Variants in DDX31 observed in about 807,000 individuals in gnomAD.
DDX31 encodes DEAD-box helicase 31, also known as ATP-dependent DNA helicase DDX31.
Under a neutral mutation model 91.3 loss-of-function variants are expected in DDX31, and 70 were observed. The ratio of observed to expected loss-of-function variants is 0.77; its 90% CI spans 0.63 to 0.94. The LOEUF is 0.94. DDX31 is among the 40% of genes least tolerant of loss of function. The pLI is 0.00. For synonymous variants in DDX31, 362 were observed against 350.6 expected (o/e 1.03, Z -0.36); for missense variants, 902 against 925.0 (o/e 0.98, Z 0.32).
intron 14 of DDX31, among the ~76,000 whole-genome samples, chr9:132,635,393 T>C (rs530449298): frequency 6.6e-6 from 1 of 151,972 alleles, no homozygotes; most frequent in Non-Finnish European, 1.5e-5. Context: ...TGGGATACTT[T>C]TGTAAAAACA....
At position 132,595,863 on chromosome 9, in the gene DDX31, C is replaced by T. The variant is rs548205197; in HGVS notation, c.1995-751G>A. The stretch of plus-strand genomic sequence containing the variant: ...AATTTCCGATGTCGAATCCTGATAA[C>T]TGTTCTGAAAAGATGGCAATTTTAC... On this transcript the variant is annotated intron_variant, in intron 19 of 19. Coordinates refer to ENST00000372159, the MANE Select transcript of DDX31 (RefSeq NM_022779.9). The surrounding 1 kb of genome is among the most constrained non-coding windows in gnomAD (Gnocchi z 4.6). 1.3e-5 allele frequency among the ~76,000 whole-genome samples: 2 copies of T among 152,278 alleles called. No homozygotes were observed. The highest frequency in any genetic ancestry group is 4.8e-5 in the African/African-American group (2 of 41,552).
intron 1 of DDX31, chr9:132,663,639 A>C: frequency 1.8e-6 from 1 of 541,160 alleles, no homozygotes; most frequent in Non-Finnish European, 2.4e-6. Flanking sequence ...CTCTCAGAAT[A>C]TGTTATTTTC....
At chr9:132,622,672 T>C (rs188861568) in intron 17 of DDX31, among the ~76,000 whole-genome samples, 2 of 152,354 alleles carry the variant, frequency 1.3e-5, no homozygotes, top group Admixed American at 1.3e-4. Flanking sequence ...GTAATTGTAC[T>C]ACTTGCCTTT....
chr9:132,651,159 CTTT>C (rs200786970), intron 7 of DDX31, 43 bp from the exon 8 acceptor site: 29 of 1,252,822 alleles, frequency 2.3e-5, no homozygotes, highest in East Asian at 5.2e-5. Context: ...CAGGATCCCC[CTTT>C]TTTTTTTTTT....
intron 16 of DDX31, among the ~76,000 whole-genome samples, chr9:132,627,420 C>T (rs904174953): frequency 6.6e-6 from 1 of 152,116 alleles, no homozygotes; most frequent in Non-Finnish European, 1.5e-5. Context: ...TTCTGAGGAA[C>T]AAAGCAAATC....
At chr9:132,642,706 A>G (rs1237312724) in intron 13 of DDX31, among the ~76,000 whole-genome samples, 1 of 152,096 alleles carries the variant, frequency 6.6e-6, no homozygotes. Context: ...ACAGAATATG[A>G]ACATCTCTTC....
At chr9:132,660,228 A>G (rs560878098) in intron 4 of DDX31, among the ~76,000 whole-genome samples, 47 of 151,828 alleles carry the variant, frequency 3.1e-4, no homozygotes, top group African/African-American at 1.0e-3. Context: ...CCAGCTACTC[A>G]GGAGGTTGAG....
At chr9:132,645,744 C>A in intron 13 of DDX31, 151 bp downstream of exon 13, 1 of 781,970 alleles carries the variant, frequency 1.3e-6, no homozygotes. Context: ...AGTGGGTCAC[C>A]CATTTTCGTC....
At chr9:132,662,979 A>C (rs994077124) in intron 1 of DDX31, among the ~76,000 whole-genome samples, 1 of 152,236 alleles carries the variant, frequency 6.6e-6, no homozygotes, top group African/African-American at 2.4e-5. Context: ...AGGATGAAGA[A>C]GCAGCATTTT....
rs979182896 is a variant in DDX31, at chr9:132,638,426, T to C, written c.1440+3578A>G. The C allele has an allele frequency of 1.9e-6, 3 of 1,611,136 alleles. No homozygotes were observed. The African/African-American group carries it at 4.0e-5, about 22-fold the overall frequency. On this transcript the variant is annotated intron_variant, in intron 14 of 19. Transcript: ENST00000372159. ...AGTGTCTGATATCTGATCCCTTTGA[T>C]TGCTTAATTCCACTTGGGAAAGTGG...
chr9:132,602,238 C>G (rs1242442442), intron 19 of DDX31, among the ~76,000 whole-genome samples: 1 of 152,200 alleles, frequency 6.6e-6, no homozygotes, highest in Admixed American at 6.5e-5. Flanking sequence ...CACTGGGACG[C>G]CAGGGGTGCT....
chr9:132,626,470 C>A (rs1027251013), intron 16 of DDX31, among the ~76,000 whole-genome samples: 3 of 152,112 alleles, frequency 2.0e-5, no homozygotes, highest in African/African-American at 4.8e-5. Flanking sequence ...ACTGCAAGGC[C>A]ACAGCATTTG....
At chr9:132,646,204 AAAAAAC>A (rs1283046392) in intron 12 of DDX31, 133 bp from the exon 13 acceptor site, 12 of 982,172 alleles carry the variant, frequency 1.2e-5, no homozygotes, top group Middle Eastern at 3.0e-4. Flanking sequence ...GAATTATTTA[AAAAAAC>A]AAAAACAAAA....
chr9:132,662,008 TAAAA>T (rs1834985657), intron 3 of DDX31, among the ~76,000 whole-genome samples: 8 of 151,558 alleles, frequency 5.3e-5, no homozygotes, highest in Admixed American at 5.3e-4. Context: ...CTTCAATACT[TAAAA>T]AAACACACAC....
At chr9:132,612,440 C>A (rs1373804735) in intron 18 of DDX31, 185 bp from the exon 19 acceptor site, 72 of 586,762 alleles carry the variant, frequency 1.2e-4, no homozygotes, top group East Asian at 1.6e-4. Context: ...TCCTAAACAA[C>A]AAAAAGAAAA....
intron 8 of DDX31, 138 bp from the exon 9 acceptor site, chr9:132,650,436 C>T: frequency 1.3e-6 from 1 of 785,340 alleles, no homozygotes; most frequent in Non-Finnish European, 2.2e-6. Flanking sequence ...ATTGTGCAGA[C>T]ACAATTCCTA....
At chr9:132,629,513 C>T (rs762519956) in intron 16 of DDX31, among the ~76,000 whole-genome samples, 10 of 152,214 alleles carry the variant, frequency 6.6e-5, no homozygotes, top group Admixed American at 1.3e-4. Context: ...TGGGCTGCAC[C>T]CCACAACAGG....
At position 132,624,344 on chromosome 9, in the gene DDX31, A is replaced by G. The variant is rs73659423; in HGVS notation, c.1713+1320T>C. ...TGGTCCAGAGGCTTACGAGTCTTAT[A>G]TGAAGTACTGACTTGCTTAAAGTAA... On this transcript the variant is annotated intron_variant, in intron 17 of 19. Transcript: ENST00000372159. Among the ~76,000 whole-genome samples, 783 of 152,276 alleles carry G rather than the reference A, an allele frequency of 5.1e-3. 4 individuals carry two copies. Among genetic ancestry groups the G allele is most frequent in the African/African-American group, 0.018 (748 of 41,548 alleles).
At position 132,648,210 on chromosome 9, in the gene DDX31, G is replaced by T. The variant is rs752222347; in HGVS notation, c.946C>A (p.Leu316Ile). The change falls in exon 11 of 20, where the codon CTA becomes ATA. Residue 316 changes from leucine (L) to isoleucine (I), a missense_variant. Transcript: ENST00000372159. Reference sequence around the variant, plus strand: ...TCACCTTCTGTGAGTGTCGCTGATAGCAAGACATTCTGTCGTTTTTGGCAT... The same window carrying T: ...TCACCTTCTGTGAGTGTCGCTGATATCAAGACATTCTGTCGTTTTTGGCAT... ...AECQKRQNVLLSATLTEGVTR... is the reference protein window; with the variant it reads ...AECQKRQNVLISATLTEGVTR... 2 of 1,613,706 alleles carry T rather than the reference G, an allele frequency of 1.2e-6. No individual in the cohort carries two copies. The highest frequency in any genetic ancestry group is 2.2e-5 in the South Asian group (2 of 91,010).
Sources: gnomAD v4.1 joint callset for allele counts (sites outside exome capture counted in the v4.1 genomes callset) on GRCh38, gnomAD v4.1.1 for gene constraint, Gnocchi (gnomAD v3.1) non-coding constraint, MANE v1.5 for transcripts, NCBI Gene and HGNC (gene_info 2026-07-23, HGNC 2026-07-21) for gene names.